KLHL2: variants seen among roughly 807,000 people sequenced by gnomAD.
KLHL2 encodes the protein kelch-like protein 2.
A neutral mutation model predicts 75.8 loss-of-function variants in KLHL2; 15 were observed. That is an observed-to-expected ratio of 0.20 (90% confidence interval 0.13 to 0.30). The LOEUF (loss-of-function observed/expected upper bound fraction) is 0.30, where lower values mean the gene tolerates loss of function less well. Ranked by LOEUF, KLHL2 falls within the 10% of genes least tolerant of loss-of-function variation. The pLI is 1.00. For missense variants in KLHL2, 381 were observed against 741.0 expected (o/e 0.51, Z 5.64); for synonymous variants, 214 against 251.9 (o/e 0.85, Z 1.42).
At chr4:165,321,219 T>G in intron 14 of KLHL2, 1 of 454,448 alleles carries the variant, frequency 2.2e-6, no homozygotes, top group Non-Finnish European at 4.4e-6. Context: ...CTCTCCTGTT[T>G]CCCCTGCCTT....
At chr4:165,224,482 A>G (rs1172480270) in intron 2 of KLHL2, among the ~76,000 whole-genome samples, 1 of 152,344 alleles carries the variant, frequency 6.6e-6, no homozygotes, top group East Asian at 1.9e-4. Flanking sequence ...AGTTCTTAAC[A>G]TTCCAGAAGA....
intron 5 of KLHL2, among the ~76,000 whole-genome samples, chr4:165,287,251 T>A (rs1057205276): frequency 2.0e-4 from 31 of 151,860 alleles, no homozygotes; most frequent in Non-Finnish European, 3.1e-4. Context: ...TCATACAGTA[T>A]TTTTTTATTT....
chr4:165,311,969 CAG>C (rs1179657167), intron 11 of KLHL2, among the ~76,000 whole-genome samples: 2 of 151,952 alleles, frequency 1.3e-5, no homozygotes, highest in Non-Finnish European at 2.9e-5. Flanking sequence ...TTTCCATGGA[CAG>C]GGGTGGGTTG....
intron 5 of KLHL2, among the ~76,000 whole-genome samples, chr4:165,282,938 C>G (rs1743808824): frequency 1.3e-5 from 2 of 151,818 alleles, no homozygotes; most frequent in South Asian, 4.2e-4. Flanking sequence ...ACCTCACAAT[C>G]ATGGTGAAAG....
At chr4:165,259,585 G>A (rs759264970) in intron 4 of KLHL2, among the ~76,000 whole-genome samples, 28 of 152,190 alleles carry the variant, frequency 1.8e-4, no homozygotes, top group Non-Finnish European at 3.4e-4. Flanking sequence ...TGTGTATGAT[G>A]GAGATAATGA....
intron 5 of KLHL2, among the ~76,000 whole-genome samples, chr4:165,274,849 G>A (rs181262750): frequency 1.7e-3 from 265 of 152,294 alleles, no homozygotes; most frequent in Admixed American, 3.3e-3. Flanking sequence ...AAGTAAAAAT[G>A]TGAGCAACCA....
intron 3 of KLHL2, among the ~76,000 whole-genome samples, chr4:165,236,187 A>C (rs1739333000): frequency 6.6e-6 from 1 of 152,208 alleles, no homozygotes; most frequent in South Asian, 2.1e-4. Context: ...AGAGGAGAGA[A>C]TCAAGGATGA....
Position 165,299,713 on chromosome 4 carries a change from C to G in KLHL2, c.921+57C>G, listed in dbSNP as rs1333484117. ...TCATGCAAAAGGCTTATAAGTGAAGCTGTTAGTATTTTGCTCATTTGAATT... is the reference window on the plus strand; with the variant it reads ...TCATGCAAAAGGCTTATAAGTGAAGGTGTTAGTATTTTGCTCATTTGAATT... On this transcript the variant is annotated intron_variant, in intron 8 of 14. Transcript: ENST00000226725. 1.3e-5 allele frequency: 19 copies of G among 1,425,094 alleles called. No homozygotes were observed. In the East Asian group the frequency reaches 4.3e-4, roughly 32 times the overall value. The allele number at this position is 1,425,094 out of a possible 1,614,324, so 88.3% of individuals were successfully genotyped here.
intron 8 of KLHL2, among the ~76,000 whole-genome samples, chr4:165,301,654 T>C (rs944810589): frequency 6.6e-6 from 1 of 152,250 alleles, no homozygotes; most frequent in Non-Finnish European, 1.5e-5. Flanking sequence ...TTATAAAAAT[T>C]GTTCAGTCTT....
chr4:165,308,547 G>A (rs1370735196), intron 9 of KLHL2, among the ~76,000 whole-genome samples: 1 of 152,024 alleles, frequency 6.6e-6, no homozygotes, highest in Non-Finnish European at 1.5e-5. Flanking sequence ...TTTTAGTTCA[G>A]TCCCTTCTCC....
At chr4:165,259,941 G>C (rs866080246) in intron 4 of KLHL2, among the ~76,000 whole-genome samples, 2 of 150,130 alleles carry the variant, frequency 1.3e-5, no homozygotes, top group Non-Finnish European at 3.0e-5. Context: ...AAAACTTTCA[G>C]CTTGCAGGGT....
At chr4:165,282,863 C>T (rs6852034) in intron 5 of KLHL2, among the ~76,000 whole-genome samples, 2,661 of 151,572 alleles carry the variant, frequency 0.018, 70 homozygotes, top group African/African-American at 0.059. Flanking sequence ...AAGACATATC[C>T]GAGACTGGGC....
At chr4:165,215,440 G>A (rs540834469) in intron 1 of KLHL2, among the ~76,000 whole-genome samples, 1 of 152,310 alleles carries the variant, frequency 6.6e-6, no homozygotes, top group East Asian at 1.9e-4. Flanking sequence ...AGACAGCAGA[G>A]AAATAGAAGA....
chr4:165,307,773 A>G (rs75780887), intron 9 of KLHL2, among the ~76,000 whole-genome samples: 3,493 of 152,282 alleles, frequency 0.023, 71 homozygotes, highest in East Asian at 0.1. Flanking sequence ...TTTCTACCCT[A>G]TGACAAAATT....
chr4:165,302,359 A>T (rs1418564024), intron 8 of KLHL2, among the ~76,000 whole-genome samples: 1 of 152,238 alleles, frequency 6.6e-6, no homozygotes, highest in Non-Finnish European at 1.5e-5. Context: ...TATGCTTATT[A>T]TTTCATAGTA....
chr4:165,238,841 G>A lies in KLHL2; in HGVS notation c.323G>A (p.Arg108Lys). The A allele has an allele frequency of 5.0e-6, 8 of 1,614,076 alleles. No homozygotes were observed. In the South Asian group the frequency reaches 5.5e-5, roughly 11 times the overall value. The stretch of plus-strand genomic sequence containing the variant: ...AAAGAGGTAGATGGCTGGACCCTGA[G>A]GATGCTAATTGATTATGTTTACACT... ...RIKEVDGWTL[R>K]MLIDYVYTAE... is the part of the protein sequence containing the mutation. The change falls in exon 4 of 15, where the codon AGG (arginine) becomes AAG (lysine). Residue 108 changes from arginine (R) to lysine (K), a missense_variant. This residue lies in a region of KLHL2 where 51 missense variants were observed against 101.3 expected (regional missense o/e 0.50). Transcript: ENST00000226725.
At chr4:165,238,092 G>T (rs1202376562) in intron 3 of KLHL2, among the ~76,000 whole-genome samples, 2 of 152,212 alleles carry the variant, frequency 1.3e-5, no homozygotes, top group Non-Finnish European at 1.5e-5. Context: ...AGCTGGTATG[G>T]AAATGACTTC....
chr4:165,311,413 C>G, intron 10 of KLHL2, 51 bp from the exon 11 acceptor site: 1 of 1,300,900 alleles, frequency 7.7e-7, no homozygotes, highest in Non-Finnish European at 1.1e-6. Context: ...TATATATGAA[C>G]TATTGACATT....
At chr4:165,238,055 T>C (rs1739497544) in intron 3 of KLHL2, among the ~76,000 whole-genome samples, 1 of 152,190 alleles carries the variant, frequency 6.6e-6, no homozygotes, top group Non-Finnish European at 1.5e-5. Context: ...GGCAGTTTTG[T>C]AGAAGGATAC....
Sources: allele counts gnomAD v4.1 joint callset (sites outside exome capture counted in the v4.1 genomes callset), GRCh38; gene constraint gnomAD v4.1.1; regional missense constraint gnomAD v4.1.1; transcripts MANE v1.5; gene names NCBI Gene and HGNC (gene_info 2026-07-23, HGNC 2026-07-21).